PTPRD: variants seen among roughly 807,000 people sequenced by gnomAD.
PTPRD encodes the protein protein tyrosine phosphatase receptor type D.
A neutral mutation model predicts 214.5 loss-of-function variants in PTPRD; 34 were observed. The ratio of observed to expected loss-of-function variants is 0.16; its 90% CI spans 0.12 to 0.21. PTPRD has a LOEUF of 0.21. Ranked by LOEUF, PTPRD falls within the 10% of genes least tolerant of loss-of-function variation. The pLI is 1.00. For synonymous variants in PTPRD, 1,128 were observed against 845.7 expected (o/e 1.33, Z -5.79); for missense variants, 2,545 against 2,398.7 (o/e 1.06, Z -1.27).
intron 2 of PTPRD, among the ~76,000 whole-genome samples, chr9:10,565,122 T>C (rs1475480519): frequency 1.3e-5 from 2 of 152,078 alleles, no homozygotes; most frequent in Non-Finnish European, 2.9e-5. Context: ...ATTTGATTTC[T>C]CAAAGATTAC....
At chr9:8,586,768 T>TTTATATTAATACTAATATTAA (rs2093689424) in intron 14 of PTPRD, among the ~76,000 whole-genome samples, 1 of 152,174 alleles carries the variant, frequency 6.6e-6, no homozygotes. Context: ...TCTTAAATAT[T>TTTATATTAATACTAATATTAA]TTATATTAAT....
chr9:9,112,604 A>C (rs1394167387), intron 10 of PTPRD, among the ~76,000 whole-genome samples: 3 of 152,140 alleles, frequency 2.0e-5, no homozygotes, highest in Non-Finnish European at 4.4e-5. Flanking sequence ...CTCTTGACTG[A>C]TGCAAACCTC....
rs114040970 is a variant in PTPRD, at chr9:10,571,789, C to G, written c.-600+40609G>C. ...TCAGGCACTAGATTCTCATAAGGAA[C>G]AGGCGACCTAGATCTCTCACATGAG... is the stretch of plus-strand genomic sequence containing the variant. On this transcript the variant is annotated intron_variant, in intron 2 of 45. Coordinates refer to ENST00000381196, the MANE Select transcript of PTPRD (RefSeq NM_002839.4). Among the ~76,000 whole-genome samples the G allele has an allele frequency of 4.2e-3, 641 of 152,256 alleles. 5 individuals are homozygous for G. The highest frequency in any genetic ancestry group is 0.015 in the African/African-American group (609 of 41,566).
intron 3 of PTPRD, among the ~76,000 whole-genome samples, chr9:10,340,487 A>T (rs1224784024): frequency 6.6e-6 from 1 of 151,880 alleles, no homozygotes; most frequent in East Asian, 1.9e-4. Flanking sequence ...TGGTTTAAGT[A>T]CAAAATTGTA....
At position 8,650,528 on chromosome 9, in the gene PTPRD, C is replaced by CAAA. The variant is rs35887411; in HGVS notation, c.65-13687_65-13685dup. 4.0e-4 allele frequency among the ~76,000 whole-genome samples: 42 copies of CAAA among 104,286 alleles called. No individual in the cohort carries two copies. The South Asian group carries it at 6.9e-3, about 17-fold the overall frequency. The allele number at this position is 104,286 out of a possible 152,430, so 68.4% of individuals were successfully genotyped here. On this transcript the variant is annotated intron_variant, in intron 12 of 45. Coordinates refer to ENST00000381196, the MANE Select transcript of PTPRD (RefSeq NM_002839.4). The stretch of plus-strand genomic sequence containing the variant: ...CAAAAAGAGCAAAAAACTCCGCCTC[C>CAAA]AAAAAAAAAAAAAAAAAAAGTGGAT...
At chr9:8,375,613 T>A (rs2083008951) in intron 39 of PTPRD, among the ~76,000 whole-genome samples, 1 of 152,056 alleles carries the variant, frequency 6.6e-6, no homozygotes, top group Non-Finnish European at 1.5e-5. Context: ...TACAAATTTG[T>A]TTTTAAGAAT....
At chr9:9,280,860 G>A (rs1370626809) in intron 9 of PTPRD, among the ~76,000 whole-genome samples, 4 of 151,104 alleles carry the variant, frequency 2.6e-5, no homozygotes, top group Non-Finnish European at 5.9e-5. Flanking sequence ...TGACATATCC[G>A]ACTTCGAGAC....
intron 5 of PTPRD, among the ~76,000 whole-genome samples, chr9:9,839,173 T>C (rs1278855471): frequency 6.6e-6 from 1 of 152,184 alleles, no homozygotes; most frequent in African/African-American, 2.4e-5. Flanking sequence ...ACTGTAGCCT[T>C]GTAGTATAGT....
chr9:8,354,167 G>T, intron 39 of PTPRD, among the ~76,000 whole-genome samples: 1 of 151,400 alleles, frequency 6.6e-6, no homozygotes, highest in African/African-American at 2.4e-5. Context: ...TCATTGCTAA[G>T]TACTCCTTAT....
intron 12 of PTPRD, among the ~76,000 whole-genome samples, chr9:8,662,335 G>T (rs1340156190): frequency 6.6e-6 from 1 of 151,544 alleles, no homozygotes; most frequent in African/African-American, 2.4e-5. Context: ...AACAAACAAA[G>T]GTCAGACTCC....
At chr9:9,232,758 T>C (rs953610961) in intron 9 of PTPRD, among the ~76,000 whole-genome samples, 2 of 152,126 alleles carry the variant, frequency 1.3e-5, no homozygotes, top group African/African-American at 4.8e-5. Flanking sequence ...ACATGTTTAG[T>C]ACTTTGAACT....
At chr9:10,282,884 C>T (rs149391567) in intron 3 of PTPRD, among the ~76,000 whole-genome samples, 196 of 152,146 alleles carry the variant, frequency 1.3e-3, no homozygotes, top group African/African-American at 4.6e-3. Context: ...TCAAAGAAAC[C>T]TTCCTTGAAG....
chr9:10,603,389 T>C (rs1254609984), intron 2 of PTPRD, among the ~76,000 whole-genome samples: 1 of 151,904 alleles, frequency 6.6e-6, no homozygotes, highest in Non-Finnish European at 1.5e-5. Context: ...TTTGTGATCA[T>C]TTACTTATGA....
rs1595767628 is a variant in PTPRD at position 9,322,933 on chromosome 9, G to A, written c.-203+74516C>T. ...GTATGCACATTTACTTGAGTTAAAT[G>A]ATTTTTAAAAATGTCTATTCTGTTA... On this transcript the variant is annotated intron_variant, in intron 9 of 45. Transcript: ENST00000381196. Among the ~76,000 whole-genome samples, 2 of 152,188 alleles carry A rather than the reference G, an allele frequency of 1.3e-5. 1 individual carries two copies. Among genetic ancestry groups the A allele is most frequent in the Middle Eastern group, 6.8e-3 (2 of 294 alleles).
At chr9:8,724,806 C>T (rs552545160) in intron 12 of PTPRD, among the ~76,000 whole-genome samples, 46 of 152,032 alleles carry the variant, frequency 3.0e-4, no homozygotes, top group Admixed American at 1.2e-3. Flanking sequence ...GACGTGACGG[C>T]ACGTGCCAGT....
At chr9:10,534,795 A>C (rs180817916) in intron 2 of PTPRD, among the ~76,000 whole-genome samples, 73 of 152,328 alleles carry the variant, frequency 4.8e-4, no homozygotes, top group African/African-American at 1.7e-3. Context: ...CATTTCATTT[A>C]ATTAGTCCTC....
intron 11 of PTPRD, among the ~76,000 whole-genome samples, chr9:8,959,952 C>T (rs2099150403): frequency 3.3e-5 from 5 of 152,012 alleles, no homozygotes; most frequent in Admixed American, 3.3e-4. Context: ...AAGTGTACAA[C>T]ATCATCTTTC....
intron 9 of PTPRD, among the ~76,000 whole-genome samples, chr9:9,222,875 A>G (rs755153803): frequency 1.3e-5 from 2 of 152,042 alleles, no homozygotes; most frequent in African/African-American, 2.4e-5. Context: ...CAATATTCAA[A>G]TTTATGCCAG....
intron 11 of PTPRD, among the ~76,000 whole-genome samples, chr9:8,938,398 A>T (rs1159987348): frequency 6.6e-6 from 1 of 152,140 alleles, no homozygotes; most frequent in Non-Finnish European, 1.5e-5. Context: ...AATGTAAGAG[A>T]TGTGACATAT....
Sources: gnomAD v4.1 joint callset for allele counts (sites outside exome capture counted in the v4.1 genomes callset) on GRCh38, gnomAD v4.1.1 for gene constraint, MANE v1.5 for transcripts, NCBI Gene and HGNC (gene_info 2026-07-23, HGNC 2026-07-21) for gene names.